The following PARD3B variants were observed in gnomAD, a reference collection of about 807,000 sequenced individuals.
The protein encoded by PARD3B is par-3 family cell polarity regulator beta, also known as partitioning defective 3 homolog B.
PARD3B carries 103 observed loss-of-function variants against 130.2 expected under a neutral mutation model. The observed-to-expected ratio is 0.79, with a 90% confidence interval of 0.67 to 0.93. The LOEUF (loss-of-function observed/expected upper bound fraction) is 0.93, where lower values mean the gene tolerates loss of function less well. Among genes scored for constraint, PARD3B ranks in the 40% least tolerant of loss-of-function variants. The pLI is 0.00. For synonymous variants in PARD3B, 583 were observed against 553.2 expected (o/e 1.05, Z -0.76); for missense variants, 1,609 against 1,499.2 (o/e 1.07, Z -1.21).
At chr2:205,406,589 A>G (rs971901886) in intron 19 of PARD3B, among the ~76,000 whole-genome samples, 21 of 151,386 alleles carry the variant, frequency 1.4e-4, no homozygotes, top group African/African-American at 4.6e-4. Flanking sequence ...TATAAAAATC[A>G]TAGCCATGTA....
intron 16 of PARD3B, among the ~76,000 whole-genome samples, chr2:205,284,540 G>C (rs1333802388): frequency 4.6e-5 from 7 of 152,090 alleles, no homozygotes; most frequent in Non-Finnish European, 8.8e-5. Flanking sequence ...GAAAGTGGCT[G>C]GGTTGTCCCC....
chr2:205,003,491 A>C (rs538568752), intron 3 of PARD3B, among the ~76,000 whole-genome samples: 1 of 152,204 alleles, frequency 6.6e-6, no homozygotes, highest in African/African-American at 2.4e-5. Context: ...TGATGGTGTC[A>C]CCACCTCAGA....
intron 2 of PARD3B, among the ~76,000 whole-genome samples, chr2:204,764,712 A>ATGTGTGTG (rs1387737555): frequency 2.3e-5 from 1 of 43,000 alleles, no homozygotes; most frequent in Admixed American, 2.5e-4. Context: ...TCTGGCATGC[A>ATGTGTGTG]TGCGTGTGTG....
rs532499916 is a variant in PARD3B, at chr2:204,654,317, A to G, written c.121-31864A>G. 5.9e-5 allele frequency among the ~76,000 whole-genome samples: 9 copies of G among 151,374 alleles called. No individual in the cohort carries two copies. The East Asian group carries it at 1.5e-3, about 26-fold the overall frequency. ...TGCAGGTTCTTGAATAAAAGGGGTT[A>G]GTTTCTAATTTTGATGTGGAACCAT... On this transcript the variant is annotated intron_variant, in intron 1 of 22. Coordinates refer to ENST00000406610, the MANE Select transcript of PARD3B (RefSeq NM_001302769.2).
At chr2:205,178,580 A>C (rs2035617002) in intron 13 of PARD3B, among the ~76,000 whole-genome samples, 1 of 152,226 alleles carries the variant, frequency 6.6e-6, no homozygotes, top group Non-Finnish European at 1.5e-5. Flanking sequence ...TCTTCTTTCT[A>C]CCTTATGATC....
chr2:205,000,081 T>C (rs2878490), intron 3 of PARD3B, among the ~76,000 whole-genome samples: 150,875 of 152,026 alleles, frequency 0.99, 74,880 homozygotes, highest in Non-Finnish European at 1. Context: ...TGTTGGGGTA[T>C]ACTGAACAGG....
At position 205,473,709 on chromosome 2, in the gene PARD3B, TAC is replaced by T. The variant is rs1173773097; in HGVS notation, c.3045-26178_3045-26177del. On this transcript the variant is annotated intron_variant, in intron 20 of 22. Coordinates refer to ENST00000406610, the MANE Select transcript of PARD3B (RefSeq NM_001302769.2). The surrounding 1 kb of genome is among the most constrained non-coding windows in gnomAD (Gnocchi z 4.9). ...GTATATATATATATATATATATATA[TAC>T]ACACACACGTATATAAAACCCTAAA... Among the ~76,000 whole-genome samples, 2,027 of 95,920 alleles carry T rather than the reference TAC, an allele frequency of 0.021. 43 individuals carry two copies. Among genetic ancestry groups the T allele is most frequent in the African/African-American group, 0.11 (1,707 of 15,356 alleles). 62.9% of individuals were successfully genotyped at this position (95,920 alleles called of 152,430 possible).
In PARD3B at chr2:205,105,244, G is replaced by A; in HGVS notation, c.593+730G>A. 6.6e-6 allele frequency among the ~76,000 whole-genome samples: 1 copy of A among 152,180 alleles called. No individual in the cohort carries two copies. Among genetic ancestry groups the A allele is most frequent in the East Asian group, 1.9e-4 (1 of 5,184 alleles). On this transcript the variant is annotated intron_variant, in intron 5 of 22. Coordinates refer to ENST00000406610, the MANE Select transcript of PARD3B (RefSeq NM_001302769.2). The surrounding 1 kb of genome is among the most constrained non-coding windows in gnomAD (Gnocchi z 4.0). ...ATGGGTATTAAATGAGTTAATACAT[G>A]TAGACCATTTTGCACAGTGTTGTGG...
At chr2:204,556,078 G>C (rs544855749) in intron 1 of PARD3B, among the ~76,000 whole-genome samples, 1 of 152,154 alleles carries the variant, frequency 6.6e-6, no homozygotes, top group African/African-American at 2.4e-5. Context: ...TTCTAGAAGA[G>C]CACCAGGTCA....
rs192126632 is a variant in PARD3B, at chr2:205,239,184, C to T, written c.2141-6594C>T. ...TGTAATTAGCATCAGAATCCAGGGCCTTTTAAGGTCAAAGCTTGGGATCTT... is the reference window on the plus strand; with the variant it reads ...TGTAATTAGCATCAGAATCCAGGGCTTTTTAAGGTCAAAGCTTGGGATCTT... On this transcript the variant is annotated intron_variant, in intron 15 of 22. Transcript: ENST00000406610. Among the ~76,000 whole-genome samples the T allele has an allele frequency of 1.8e-3, 278 of 151,856 alleles. 2 individuals carry two copies. The highest frequency in any genetic ancestry group is 3.4e-3 in the Non-Finnish European group (234 of 67,960).
intron 2 of PARD3B, among the ~76,000 whole-genome samples, chr2:204,919,048 C>T (rs1212714933): frequency 6.6e-6 from 1 of 152,074 alleles, no homozygotes; most frequent in Non-Finnish European, 1.5e-5. Flanking sequence ...GCAGTGAAGA[C>T]CCATCTACTT....
intron 4 of PARD3B, among the ~76,000 whole-genome samples, chr2:205,051,478 A>G (rs1329308484): frequency 1.3e-5 from 2 of 152,200 alleles, no homozygotes; most frequent in African/African-American, 4.8e-5. Context: ...AATGAAACTT[A>G]CTTATAACCC....
intron 15 of PARD3B, among the ~76,000 whole-genome samples, chr2:205,212,757 C>T (rs979346761): frequency 1.3e-5 from 2 of 152,228 alleles, no homozygotes; most frequent in Admixed American, 1.3e-4. Context: ...AAGATAACCT[C>T]TGATGTTACT....
intron 2 of PARD3B, among the ~76,000 whole-genome samples, chr2:204,733,762 G>T (rs1412911524): frequency 6.6e-6 from 1 of 151,904 alleles, no homozygotes; most frequent in Non-Finnish European, 1.5e-5. Context: ...TTTTGGCAAA[G>T]ATGTCTAGAT....
At chr2:205,393,600 G>A (rs1291900996) in intron 18 of PARD3B, among the ~76,000 whole-genome samples, 1 of 152,182 alleles carries the variant, frequency 6.6e-6, no homozygotes, top group African/African-American at 2.4e-5. Flanking sequence ...TTTTGAACAA[G>A]AGTGAATGAA....
rs145408695 is a variant in PARD3B, at chr2:205,491,511, C to G, written c.3045-8385C>G. On this transcript the variant is annotated intron_variant, in intron 20 of 22. Transcript: ENST00000406610. ...TACCATACTGTTTTGTTTACTGTAG[C>G]CTTGTAGCATAGTTTGAAGTCAGGT... is the stretch of plus-strand genomic sequence containing the variant. Among the ~76,000 whole-genome samples the G allele has an allele frequency of 4.0e-3, 609 of 152,214 alleles. 3 individuals are homozygous for G. Among genetic ancestry groups the G allele is most frequent in the Middle Eastern group, 0.01 (3 of 294 alleles).
At chr2:205,401,733 A>T (rs1230533153) in intron 19 of PARD3B, among the ~76,000 whole-genome samples, 2 of 152,146 alleles carry the variant, frequency 1.3e-5, no homozygotes, top group Non-Finnish European at 2.9e-5. Flanking sequence ...CGTATCTTTG[A>T]TGTTAACTCT....
At chr2:204,905,834 A>C (rs1172865788) in intron 2 of PARD3B, among the ~76,000 whole-genome samples, 1 of 152,040 alleles carries the variant, frequency 6.6e-6, no homozygotes, top group East Asian at 1.9e-4. Context: ...GGGGAAAATG[A>C]CTCTTGAGGA....
intron 1 of PARD3B, among the ~76,000 whole-genome samples, chr2:204,587,977 C>T (rs560776550): frequency 6.6e-6 from 1 of 152,158 alleles, no homozygotes; most frequent in Non-Finnish European, 1.5e-5. Flanking sequence ...TCAATTAAAC[C>T]TCTTTCATTT....
Sources: gnomAD v4.1 joint callset for allele counts (sites outside exome capture counted in the v4.1 genomes callset) on GRCh38, gnomAD v4.1.1 for gene constraint, Gnocchi (gnomAD v3.1) non-coding constraint, MANE v1.5 for transcripts, NCBI Gene and HGNC (gene_info 2026-07-23, HGNC 2026-07-21) for gene names.